Variants in TLE5 observed in about 807,000 individuals in gnomAD.
TLE5 encodes TLE family member 5, transcriptional modulator.
TLE5 carries 7 observed loss-of-function variants against 25.8 expected under a neutral mutation model. The observed-to-expected ratio is 0.27, with a 90% CI of 0.15 to 0.51. The LOEUF (loss-of-function observed/expected upper bound fraction) is 0.51. TLE5 is among the 20% of genes least tolerant of loss of function. The pLI, the probability that TLE5 is intolerant of heterozygous loss-of-function variation, is 0.97. For missense variants in TLE5, 149 were observed against 250.7 expected, an observed-to-expected ratio of 0.59 and a Z score of 2.74; for synonymous variants, 132 against 110.5, an observed-to-expected ratio of 1.20 and a Z score of -1.22.
intron 6 of TLE5, 32 bp downstream of exon 6, chr19:3,054,088 C>CGGGGGGCG: frequency 1.2e-6 from 1 of 832,994 alleles, no homozygotes; most frequent in Non-Finnish European, 1.8e-6. Context: ...CCCACCTGTC[C>CGGGGGGCG]CCCGCCCACC....
intron 3 of TLE5, 118 bp downstream of exon 3, chr19:3,057,561 C>A (rs934092877): frequency 1.8e-5 from 17 of 969,376 alleles, no homozygotes; most frequent in Non-Finnish European, 2.7e-5. Flanking sequence ...AGGCCCCGAT[C>A]CTCGCGCTTC....
intron 5 of TLE5, 57 bp downstream of exon 5, chr19:3,055,607 G>A: frequency 6.7e-7 from 1 of 1,493,278 alleles, no homozygotes; most frequent in East Asian, 2.3e-5. Context: ...GCAGTGGACA[G>A]GGGCTGGGCA....
At chr19:3,061,393 T>C (rs2090266143) in intron 1 of TLE5, 136 bp from the exon 2 acceptor site, 2 of 565,996 alleles carry the variant, frequency 3.5e-6, no homozygotes, top group Non-Finnish European at 6.0e-6. Context: ...TTACGGCCCC[T>C]GGCGCGACCC....
intron 4 of TLE5, 160 bp from the exon 5 acceptor site, chr19:3,055,886 C>G (rs1050422423): frequency 7.3e-6 from 5 of 681,350 alleles, no homozygotes; most frequent in East Asian, 3.0e-5. Flanking sequence ...TGTTCGGGCC[C>G]GAGGGCAGCC....
intron 1 of TLE5, 93 bp downstream of exon 1, chr19:3,062,081 T>TGGGGGTTGGGGGGCGCGGGGCCGGGAGCC: frequency 2.9e-6 from 1 of 348,474 alleles, no homozygotes; most frequent in Non-Finnish European, 3.2e-6. Context: ...GCACCGGGCC[T>TGGGGGTTGGGGGGCGCGGGGCCGGGAGCC]GGGGGTTGGG....
chr19:3,062,052 G>C (rs1419223830), intron 1 of TLE5, 122 bp downstream of exon 1: 20 of 274,534 alleles, frequency 7.3e-5, no homozygotes, highest in Non-Finnish European at 1.1e-4. Flanking sequence ...GGGGAGTTGG[G>C]GGGGGCGCCG....
chr19:3,056,593 A>T (rs1229219066), intron 3 of TLE5: 1 of 664,318 alleles, frequency 1.5e-6, no homozygotes, highest in South Asian at 1.5e-5. Flanking sequence ...CTGCGGATGG[A>T]GACTGGGGGC....
chr19:3,060,006 A>G (rs2090251390), intron 2 of TLE5, among the ~76,000 whole-genome samples: 1 of 152,168 alleles, frequency 6.6e-6, no homozygotes, highest in South Asian at 2.1e-4. Context: ...AAAAGGTGGG[A>G]TATTTGCAGC....
At chr19:3,059,529 A>G (rs982346942) in intron 2 of TLE5, among the ~76,000 whole-genome samples, 3 of 152,212 alleles carry the variant, frequency 2.0e-5, no homozygotes, top group African/African-American at 7.2e-5. Flanking sequence ...TCAAAAAAAT[A>G]AAATAAAATA....
intron 4 of TLE5, chr19:3,056,041 G>GCCGCACCTGCCTGGGGGTGCCCA (rs2145257211): frequency 1.9e-6 from 1 of 529,298 alleles, no homozygotes; most frequent in African/African-American, 2.0e-5. Flanking sequence ...CGAATGTAGG[G>GCCGCACCTGCCTGGGGGTGCCCA]AGGGCTGGGG....
rs1407817977 is a variant in TLE5 at position 3,053,621 on chromosome 19, G to A, written c.*198C>T. 4.8e-6 allele frequency: 3 copies of A among 622,252 alleles called. No homozygotes were observed. The highest frequency in any genetic ancestry group is 3.0e-5 in the Admixed American group (1 of 33,854). 38.5% of individuals were successfully genotyped at this position (622,252 alleles called of 1,614,324 possible). On this transcript the variant is annotated 3_prime_UTR_variant, in exon 7 of 7. Transcript: ENST00000327141. Reference sequence around the variant, plus strand: ...TAACCAGGCTGCAGGGGAGGAGGAGGGAAGCCGGGAATGGGGTAGGAAGAA... The same window carrying A: ...TAACCAGGCTGCAGGGGAGGAGGAGAGAAGCCGGGAATGGGGTAGGAAGAA...
At chr19:3,058,146 G>T (rs939810185) in intron 2 of TLE5, among the ~76,000 whole-genome samples, 1 of 152,206 alleles carries the variant, frequency 6.6e-6, no homozygotes, top group South Asian at 2.1e-4. Flanking sequence ...CTGACTGTAA[G>T]AAGGGGGTGA....
At chr19:3,062,567 G>A (rs1004769581), upstream of TLE5, 3 of 842,414 alleles carry the variant, frequency 3.6e-6, no homozygotes, top group African/African-American at 5.5e-5. Flanking sequence ...CGCCGCCGAG[G>A]GGGGGGACGC....
chr19:3,056,618 G>A, intron 3 of TLE5: 1 of 655,890 alleles, frequency 1.5e-6, no homozygotes, highest in Non-Finnish European at 2.8e-6. Context: ...TAGGTCCCTA[G>A]CCCTGGCCTG....
At chr19:3,054,087 C>CGGGGGCG in intron 6 of TLE5, 33 bp downstream of exon 6, 1 of 1,476,450 alleles carries the variant, frequency 6.8e-7, no homozygotes, top group Non-Finnish European at 9.2e-7. Flanking sequence ...GCCCACCTGT[C>CGGGGGCG]CCCCGCCCAC....
intron 2 of TLE5, among the ~76,000 whole-genome samples, chr19:3,060,328 CTTTTTTT>C (rs990199468): frequency 1.6e-3 from 146 of 93,202 alleles, no homozygotes; most frequent in African/African-American, 5.1e-3. Flanking sequence ...TTTTTTCTTT[CTTTTTTT>C]TTTTTTTTTT....
intron 1 of TLE5, among the ~76,000 whole-genome samples, chr19:3,061,849 G>A (rs2090271620): frequency 1.4e-5 from 2 of 140,692 alleles, no homozygotes; most frequent in South Asian, 5.2e-4. Flanking sequence ...CAGGCCCGAG[G>A]CCAAGGCCGT....
chr19:3,059,142 G>A (rs1243114784), intron 2 of TLE5, among the ~76,000 whole-genome samples: 3 of 152,090 alleles, frequency 2.0e-5, no homozygotes, highest in Admixed American at 6.6e-5. Context: ...TGCCGGGTTA[G>A]GGATGCTTTG....
intron 2 of TLE5, among the ~76,000 whole-genome samples, 190 bp from the exon 3 acceptor site, chr19:3,057,932 G>A (rs1272032755): frequency 6.6e-6 from 1 of 152,054 alleles, no homozygotes; most frequent in Non-Finnish European, 1.5e-5. Flanking sequence ...TGCCCAGGCT[G>A]GTCTCAAAAA....
Sources: gnomAD v4.1 joint callset for allele counts (sites outside exome capture counted in the v4.1 genomes callset) on GRCh38, gnomAD v4.1.1 for gene constraint, MANE v1.5 for transcripts, NCBI Gene and HGNC (gene_info 2026-07-23, HGNC 2026-07-21) for gene names.